The following CLUAP1 variants were observed in gnomAD, a reference collection of about 807,000 sequenced individuals.
CLUAP1 encodes the protein intraflagellar transport 38.
In CLUAP1, 50 loss-of-function variants were observed where a neutral mutation model predicts 55.0. The observed-to-expected ratio is 0.91, with a 90% CI of 0.72 to 1.15. CLUAP1 has a LOEUF of 1.15. CLUAP1 is among the 50% of genes most tolerant of loss of function. The probability of loss-of-function intolerance (pLI) is 0.00; values close to 1 mark genes in which losing one functional copy is unlikely to be tolerated. For synonymous variants in CLUAP1, 195 were observed against 175.4 expected (o/e 1.11, Z -0.88); for missense variants, 530 against 507.6 (o/e 1.04, Z -0.42).
chr16:3,527,500 A>T (rs543629612), intron 9 of CLUAP1, among the ~76,000 whole-genome samples: 153 of 152,156 alleles, frequency 1.0e-3, no homozygotes, highest in African/African-American at 3.6e-3. Context: ...CGTCAGTGTC[A>T]AGGAAAAACA....
At chr16:3,499,748 A>C (rs551902688), upstream of CLUAP1, among the ~76,000 whole-genome samples, 2 of 152,324 alleles carry the variant, frequency 1.3e-5, no homozygotes, top group African/African-American at 4.8e-5. Flanking sequence ...TTTCTTAATA[A>C]CACGTGAAGC....
chr16:3,506,231 G>C, intron 2 of CLUAP1, 100 bp from the exon 3 acceptor site: 2 of 938,458 alleles, frequency 2.1e-6, no homozygotes, highest in East Asian at 2.4e-5. Context: ...CTTGGAGAGC[G>C]TTGTGTTCCA....
At chr16:3,530,967 T>C (rs1162085211) in intron 10 of CLUAP1, among the ~76,000 whole-genome samples, 1 of 152,226 alleles carries the variant, frequency 6.6e-6, no homozygotes, top group African/African-American at 2.4e-5. Context: ...TGCAGTGATA[T>C]ACTTAATAGC....
intron 5 of CLUAP1, chr16:3,515,302 G>A: frequency 2.4e-6 from 1 of 424,138 alleles, no homozygotes; most frequent in Non-Finnish European, 4.1e-6. Flanking sequence ...CTGAAAAGGA[G>A]GACCTTGAGC....
upstream of CLUAP1, among the ~76,000 whole-genome samples, chr16:3,500,238 G>C (rs1055081332): frequency 5.3e-5 from 8 of 152,234 alleles, no homozygotes; most frequent in African/African-American, 1.9e-4. Context: ...GTCTGCGCGT[G>C]CGCGAGACCG....
intron 11 of CLUAP1, chr16:3,533,802 G>C (rs1189416158): frequency 1.3e-5 from 2 of 153,062 alleles, no homozygotes; most frequent in Non-Finnish European, 2.9e-5. Context: ...TTCCTAACAA[G>C]CTCGGGTGTG....
intron 6 of CLUAP1, among the ~76,000 whole-genome samples, chr16:3,518,188 A>T (rs1449338871): frequency 1.3e-5 from 2 of 152,250 alleles, no homozygotes; most frequent in East Asian, 3.8e-4. Context: ...GGTTTTCCGT[A>T]AATTTTTGAT....
chr16:3,531,346 C>T (rs1384144106), intron 10 of CLUAP1, among the ~76,000 whole-genome samples: 1 of 152,058 alleles, frequency 6.6e-6, no homozygotes, highest in Non-Finnish European at 1.5e-5. Flanking sequence ...CGGTGAAACC[C>T]CGTCTCTACT....
upstream of CLUAP1, among the ~76,000 whole-genome samples, chr16:3,499,214 G>A (rs1307978766): frequency 6.6e-6 from 1 of 152,196 alleles, no homozygotes; most frequent in East Asian, 1.9e-4. Flanking sequence ...GCGCGGTGGC[G>A]CGCGTCTGTA....
chr16:3,512,286 A>G, intron 4 of CLUAP1, 97 bp from the exon 5 acceptor site: 1 of 850,052 alleles, frequency 1.2e-6, no homozygotes. Flanking sequence ...ACTTGAGGCC[A>G]GGAGTTAGAG....
intron 4 of CLUAP1, among the ~76,000 whole-genome samples, chr16:3,510,341 G>A (rs2037599424): frequency 6.7e-6 from 1 of 149,890 alleles, no homozygotes; most frequent in East Asian, 2.0e-4. Context: ...TCACCATGTT[G>A]GCCAGCTAGT....
intron 9 of CLUAP1, among the ~76,000 whole-genome samples, chr16:3,526,751 A>G (rs1241190129): frequency 1.3e-5 from 2 of 152,178 alleles, no homozygotes; most frequent in African/African-American, 4.8e-5. Flanking sequence ...TTCACTCAAG[A>G]GTCTGGTTTA....
chr16:3,504,615 T>C (rs2037467149), intron 1 of CLUAP1, 105 bp from the exon 2 acceptor site: 1 of 718,342 alleles, frequency 1.4e-6, no homozygotes, highest in East Asian at 2.6e-5. Flanking sequence ...TCCCTAAAGC[T>C]GTCAATAGGT....
chr16:3,496,215 C>G (rs1445778140), upstream of CLUAP1: 5 of 587,906 alleles, frequency 8.5e-6, no homozygotes, highest in East Asian at 8.6e-5. Context: ...GAGCTGACGT[C>G]CGCCACAAGA....
intron 1 of CLUAP1, 26 bp downstream of exon 1, chr16:3,501,115 C>T (rs1281930831): frequency 1.9e-6 from 3 of 1,579,352 alleles, no homozygotes; most frequent in Admixed American, 3.5e-5. Flanking sequence ...GCCCCTGTGA[C>T]CTGCGGGTCT....
intron 5 of CLUAP1, among the ~76,000 whole-genome samples, chr16:3,513,973 T>G (rs2037683150): frequency 6.6e-6 from 1 of 152,232 alleles, no homozygotes; most frequent in South Asian, 2.1e-4. Flanking sequence ...GCTAGATTGC[T>G]ATGTCTGCTC....
rs2037555882 is a variant in CLUAP1, at chr16:3,508,587, C to T, written c.399+119C>T. 7.3e-6 allele frequency: 6 copies of T among 820,530 alleles called. No individual in the cohort carries two copies. In the Admixed American group the frequency reaches 1.5e-4, roughly 20 times the overall value. 50.8% of individuals were successfully genotyped at this position (820,530 alleles called of 1,614,324 possible). On this transcript the variant is annotated intron_variant, in intron 4 of 11. Transcript: ENST00000576634. ...TCCTCCTCAGCTGAGGGCAGTTTGT[C>T]AGTTTTGTGCTCATCAGCATTTGGA...
At chr16:3,525,213 C>T (rs1282932671) in intron 8 of CLUAP1, among the ~76,000 whole-genome samples, 1 of 152,146 alleles carries the variant, frequency 6.6e-6, no homozygotes, top group African/African-American at 2.4e-5. Flanking sequence ...ACATTTTAAA[C>T]ATTGGGTACC....
At chr16:3,528,573 C>G (rs74885809) in intron 9 of CLUAP1, among the ~76,000 whole-genome samples, 2,035 of 152,236 alleles carry the variant, frequency 0.013, 53 homozygotes, top group African/African-American at 0.047. Context: ...TTGTCCCTTG[C>G]GAGAGGCCCA....
Sources: gnomAD v4.1 joint callset for allele counts (sites outside exome capture counted in the v4.1 genomes callset) on GRCh38, gnomAD v4.1.1 for gene constraint, MANE v1.5 for transcripts, NCBI Gene and HGNC (gene_info 2026-07-23, HGNC 2026-07-21) for gene names.